The following C10orf67 variants were observed in gnomAD, a reference collection of about 807,000 sequenced individuals.
C10orf67 encodes chromosome 10 open reading frame 67.
In C10orf67, 60 loss-of-function variants were observed where a neutral mutation model predicts 35.6. The observed-to-expected ratio is 1.68, with a 90% confidence interval of 1.37 to 2.09. The LOEUF is 2.09. Among genes scored for constraint, C10orf67 ranks in the 30% most tolerant of loss-of-function variants. The probability of loss-of-function intolerance (pLI) is 0.00; values close to 1 mark genes in which losing one functional copy is unlikely to be tolerated. For synonymous variants in C10orf67, 167 were observed against 115.8 expected (o/e 1.44, Z -2.84); for missense variants, 474 against 330.2 (o/e 1.44, Z -3.38).
Position 23,323,938 on chromosome 10 carries a change from TATATATATATATATAC to T in C10orf67, c.328-1417_328-1402del, listed in dbSNP as rs1845077972. 6.6e-5 allele frequency among the ~76,000 whole-genome samples: 4 copies of T among 60,216 alleles called. No homozygotes were observed. In the South Asian group the frequency reaches 2.2e-3, roughly 33 times the overall value. 39.5% of individuals were successfully genotyped at this position (60,216 alleles called of 152,430 possible). On this transcript the variant is annotated intron_variant, in intron 2 of 15. Coordinates refer to ENST00000636213, the MANE Select transcript of C10orf67 (RefSeq NM_001371909.1). Reference sequence around the variant, plus strand: ...ATATATATATATATATATATATATATATATATATATATATACACACACACACACATATGAGTTAAAA... The same window carrying T: ...ATATATATATATATATATATATATATACACACACACACATATGAGTTAAAA...
At position 23,257,131 on chromosome 10, in the gene C10orf67, C is replaced by T. The variant is rs1412251582; in HGVS notation, c.1201-6440G>A. On this transcript the variant is annotated intron_variant, in intron 10 of 15. Coordinates refer to ENST00000636213, the MANE Select transcript of C10orf67 (RefSeq NM_001371909.1). ...TTGTCTTGGACCTTCAACTCTATGC[C>T]AATACCAAGTGGAGGTGTCCTACTA... Among the ~76,000 whole-genome samples, 3 of 152,176 alleles carry T rather than the reference C, an allele frequency of 2.0e-5. No individual in the cohort carries two copies. In the East Asian group the frequency reaches 5.8e-4, roughly 29 times the overall value.
chr10:23,293,577 C>T (rs1014008609), intron 5 of C10orf67, among the ~76,000 whole-genome samples: 1 of 152,174 alleles, frequency 6.6e-6, no homozygotes, highest in Non-Finnish European at 1.5e-5. Context: ...GGATGGAGAT[C>T]ATTAAAGGCA....
chr10:23,246,598 T>C (rs1842322008), intron 12 of C10orf67, among the ~76,000 whole-genome samples: 1 of 152,098 alleles, frequency 6.6e-6, no homozygotes, highest in South Asian at 2.1e-4. Context: ...CACTGCATAA[T>C]GATGTTTGGT....
chr10:23,343,102 T>A (rs917082932), intron 1 of C10orf67, among the ~76,000 whole-genome samples: 2 of 152,204 alleles, frequency 1.3e-5, no homozygotes, highest in African/African-American at 4.8e-5. Context: ...GGGACGGGTT[T>A]TAAACAAGGA....
intron 2 of C10orf67, among the ~76,000 whole-genome samples, chr10:23,332,626 G>A (rs1165037458): frequency 6.6e-6 from 1 of 151,044 alleles, no homozygotes; most frequent in Non-Finnish European, 1.5e-5. Context: ...GGCGGCTACA[G>A]TGAGCTATGA....
chr10:23,304,307 T>C (rs904129935), intron 4 of C10orf67, among the ~76,000 whole-genome samples: 9 of 152,226 alleles, frequency 5.9e-5, no homozygotes, highest in African/African-American at 2.2e-4. Context: ...AGGGGCTTGC[T>C]GAAAGCTATG....
At chr10:23,248,673 A>G (rs890292536) in intron 12 of C10orf67, among the ~76,000 whole-genome samples, 2 of 152,182 alleles carry the variant, frequency 1.3e-5, no homozygotes, top group East Asian at 3.8e-4. Context: ...TAATCTCCAT[A>G]TCACACCACG....
In C10orf67 at chr10:23,303,413, C is replaced by A; in HGVS notation, c.593G>T (p.Ser198Ile). The A allele has an allele frequency of 1.6e-6, 1 of 617,786 alleles. No homozygotes were observed. The highest frequency in any genetic ancestry group is 2.9e-6 in the Non-Finnish European group (1 of 342,662). 38.3% of individuals were successfully genotyped at this position (617,786 alleles called of 1,614,324 possible). The part of the protein sequence containing the change: ...EEENVSLQDA[S>I]TVKTNILLRK... The stretch of plus-strand genomic sequence containing the variant: ...TAACAAAATATTTGTTTTGACAGTA[C>A]TCGCATCTTGCAAAGAAACATTCTC... Residue 198 changes from serine to isoleucine, a missense_variant, in exon 5 of 16, where the codon AGT becomes ATT. Coordinates refer to ENST00000636213, the MANE Select transcript of C10orf67 (RefSeq NM_001371909.1).
At chr10:23,273,989 AAGAG>A (rs1268212843) in intron 8 of C10orf67, among the ~76,000 whole-genome samples, 5 of 152,172 alleles carry the variant, frequency 3.3e-5, no homozygotes, top group Non-Finnish European at 7.3e-5. Context: ...AAAAAGTACA[AAGAG>A]AGAAATTTTA....
At chr10:23,260,597 T>C (rs1489837063) in intron 10 of C10orf67, among the ~76,000 whole-genome samples, 2 of 152,222 alleles carry the variant, frequency 1.3e-5, no homozygotes, top group Admixed American at 1.3e-4. Flanking sequence ...TGGAGAAGAT[T>C]ATCCAAAGGC....
chr10:23,286,227 G>A (rs1843522073), intron 7 of C10orf67, among the ~76,000 whole-genome samples: 1 of 150,116 alleles, frequency 6.7e-6, no homozygotes, highest in South Asian at 2.1e-4. Context: ...CCCTGTTTCT[G>A]CAAAAATAAA....
chr10:23,218,655 T>C (rs1025267017), intron 15 of C10orf67, among the ~76,000 whole-genome samples: 14 of 152,088 alleles, frequency 9.2e-5, no homozygotes, highest in Non-Finnish European at 2.9e-5. Flanking sequence ...AGGGAAGTAA[T>C]GGAAAAGTTG....
chr10:23,232,522 A>G (rs1289759479), intron 13 of C10orf67, among the ~76,000 whole-genome samples: 1 of 152,196 alleles, frequency 6.6e-6, no homozygotes, highest in Non-Finnish European at 1.5e-5. Context: ...ATAAAAACAC[A>G]CTATTCACAC....
intron 13 of C10orf67, among the ~76,000 whole-genome samples, chr10:23,226,294 A>G (rs1841739773): frequency 6.6e-6 from 1 of 152,188 alleles, no homozygotes; most frequent in South Asian, 2.1e-4. Context: ...CTCACTCAAA[A>G]CCACTCAACT....
chr10:23,267,569 A>G (rs375999884), intron 8 of C10orf67, among the ~76,000 whole-genome samples: 7 of 152,244 alleles, frequency 4.6e-5, no homozygotes, highest in African/African-American at 1.4e-4. Context: ...AATTTGATAC[A>G]TTAGTATAAC....
intron 4 of C10orf67, among the ~76,000 whole-genome samples, chr10:23,309,318 T>G (rs1844407868): frequency 6.6e-6 from 1 of 152,130 alleles, no homozygotes; most frequent in African/African-American, 2.4e-5. Context: ...TGTTCTCACT[T>G]CTAAGTGGGA....
At chr10:23,268,292 C>T (rs1384370139) in intron 8 of C10orf67, among the ~76,000 whole-genome samples, 2 of 151,954 alleles carry the variant, frequency 1.3e-5, no homozygotes, top group African/African-American at 4.8e-5. Context: ...GAGACCCTGA[C>T]TTCAGAAAAA....
At chr10:23,248,869 T>G (rs1294863122) in intron 12 of C10orf67, among the ~76,000 whole-genome samples, 2 of 152,062 alleles carry the variant, frequency 1.3e-5, no homozygotes, top group African/African-American at 4.8e-5. Flanking sequence ...GATATCAACA[T>G]AAAGTCTGCA....
intron 15 of C10orf67, among the ~76,000 whole-genome samples, chr10:23,215,276 A>T (rs1193367716): frequency 6.6e-6 from 1 of 152,012 alleles, no homozygotes; most frequent in Non-Finnish European, 1.5e-5. Flanking sequence ...CAAATTTTTC[A>T]CACCATCAAA....
Sources: allele counts gnomAD v4.1 joint callset (sites outside exome capture counted in the v4.1 genomes callset), GRCh38; gene constraint gnomAD v4.1.1; transcripts MANE v1.5; gene names NCBI Gene and HGNC (gene_info 2026-07-23, HGNC 2026-07-21).